Variants in SH3KBP1 observed in about 807,000 individuals in gnomAD.
SH3KBP1 encodes the protein SH3 domain-containing kinase-binding protein 1.
SH3KBP1 carries 8 observed loss-of-function variants against 50.1 expected under a neutral mutation model. The observed-to-expected ratio is 0.16, with a 90% CI of 0.09 to 0.29. SH3KBP1 has a LOEUF of 0.29. Among genes scored for constraint, SH3KBP1 ranks in the 10% least tolerant of loss-of-function variants. SH3KBP1 has a pLI of 1.00. For synonymous variants in SH3KBP1, 227 were observed against 218.6 expected, an observed-to-expected ratio of 1.04 and a Z score of -0.34; for missense variants, 377 against 535.2, an observed-to-expected ratio of 0.70 and a Z score of 2.92.
chrX:19,568,143 T>C (rs2065905458), intron 13 of SH3KBP1, among the ~76,000 whole-genome samples: 2 of 111,395 alleles, frequency 1.8e-5, no homozygotes, highest in African/African-American at 6.5e-5. Context: ...GGATGGTTAA[T>C]AGGTACAAAA....
intron 3 of SH3KBP1, among the ~76,000 whole-genome samples, chrX:19,722,617 C>T (rs963027250): frequency 1.8e-4 from 16 of 91,094 alleles, no homozygotes; most frequent in African/African-American, 5.7e-4. Context: ...TGTGTGTGTC[C>T]GTCCCCAGTG....
At chrX:19,747,893 T>C (rs1195835133) in intron 2 of SH3KBP1, among the ~76,000 whole-genome samples, 1 of 112,521 alleles carries the variant, frequency 8.9e-6, no homozygotes, top group Admixed American at 9.3e-5. Context: ...CACGGACACC[T>C]ACCTCAGCAG....
intron 12 of SH3KBP1, among the ~76,000 whole-genome samples, chrX:19,582,247 G>A (rs971013836): frequency 4.5e-5 from 5 of 111,889 alleles, no homozygotes; most frequent in African/African-American, 1.3e-4. Context: ...TGCTCTGCCC[G>A]ACAGAGGATA....
chrX:19,783,506 A>G (rs771510924), intron 2 of SH3KBP1, among the ~76,000 whole-genome samples: 3 of 110,890 alleles, frequency 2.7e-5, no homozygotes, highest in Non-Finnish European at 5.7e-5. Context: ...CCTCCCATCT[A>G]GCTGTAATTC....
chrX:19,772,555 C>G (rs755393343), intron 2 of SH3KBP1, among the ~76,000 whole-genome samples: 18 of 110,860 alleles, frequency 1.6e-4, no homozygotes, highest in Non-Finnish European at 3.2e-4. Context: ...CACCCATGCT[C>G]CCCCCATTTC....
chrX:19,594,829 C>T lies in SH3KBP1; in HGVS notation c.1057+120G>A, dbSNP rs1057047683. 2.4e-5 allele frequency: 13 copies of T among 542,071 alleles called. No individual in the cohort carries two copies. In the African/African-American group the frequency reaches 2.5e-4, roughly 11 times the overall value. The allele number at this position is 542,071 out of a possible 1,213,427, so 44.7% of individuals were successfully genotyped here. A position where few individuals can be genotyped will look rare whatever the true frequency, so the allele number is the denominator to read the frequency against. ...GCCTGCTGAGACCAAATCGTAACTTCCCAAGTAGTCAATCTATGGCACTTG... is the reference window on the plus strand; with the variant it reads ...GCCTGCTGAGACCAAATCGTAACTTTCCAAGTAGTCAATCTATGGCACTTG... On this transcript the variant is annotated intron_variant, in intron 10 of 17. Coordinates refer to ENST00000397821, the MANE Select transcript of SH3KBP1 (RefSeq NM_031892.3).
intron 6 of SH3KBP1, among the ~76,000 whole-genome samples, chrX:19,666,526 T>C (rs1473165695): frequency 9.0e-6 from 1 of 111,190 alleles, no homozygotes; most frequent in African/African-American, 3.3e-5. Flanking sequence ...GATCAGCTAG[T>C]TAATGGTGAT....
chrX:19,845,815 G>A (rs1327328046), intron 1 of SH3KBP1, among the ~76,000 whole-genome samples: 1 of 109,898 alleles, frequency 9.1e-6, no homozygotes, highest in Non-Finnish European at 1.9e-5. Context: ...TCGCCATGTT[G>A]GCCAGGCTGG....
At chrX:19,639,968 C>G (rs1439828354) in intron 7 of SH3KBP1, among the ~76,000 whole-genome samples, 1 of 100,517 alleles carries the variant, frequency 9.9e-6, no homozygotes, top group Non-Finnish European at 2.0e-5. Flanking sequence ...ATGAGCTGCA[C>G]TGAGTAAGTA....
intron 1 of SH3KBP1, among the ~76,000 whole-genome samples, chrX:19,847,763 T>C (rs1295796459): frequency 3.8e-4 from 43 of 112,279 alleles, no homozygotes; most frequent in African/African-American, 1.4e-3. Context: ...CTTTTTAATA[T>C]TGAACAATAA....
At chrX:19,792,760 G>A (rs1260236025) in intron 2 of SH3KBP1, among the ~76,000 whole-genome samples, 1 of 85,606 alleles carries the variant, frequency 1.2e-5, no homozygotes, top group African/African-American at 4.3e-5. Context: ...TTGTTGTCAC[G>A]ACTTGGAGGG....
intron 2 of SH3KBP1, among the ~76,000 whole-genome samples, chrX:19,752,288 G>A (rs1051475811): frequency 8.0e-5 from 9 of 112,205 alleles, no homozygotes; most frequent in Non-Finnish European, 1.3e-4. Context: ...CAGCCCTTCT[G>A]TCATCTGTAA....
At chrX:19,739,590 T>C (rs2064707740) in intron 3 of SH3KBP1, among the ~76,000 whole-genome samples, 1 of 109,319 alleles carries the variant, frequency 9.1e-6, no homozygotes, top group Non-Finnish European at 1.9e-5. Flanking sequence ...TTAATCCTCA[T>C]TAACAATAAT....
intron 8 of SH3KBP1, 91 bp downstream of exon 8, chrX:19,631,773 G>T (rs750204473): frequency 2.4e-5 from 12 of 492,092 alleles, no homozygotes; most frequent in Non-Finnish European, 3.7e-5. Flanking sequence ...AGAAAACCAA[G>T]CTTTCAAGCG....
At chrX:19,616,618 CATGCTGTTGT>C (rs1212600953) in intron 8 of SH3KBP1, among the ~76,000 whole-genome samples, 1 of 111,488 alleles carries the variant, frequency 9.0e-6, no homozygotes, top group African/African-American at 3.3e-5. Flanking sequence ...AGCAACTGTG[CATGCTGTTGT>C]TCAAAGACTG....
intron 2 of SH3KBP1, among the ~76,000 whole-genome samples, chrX:19,823,063 C>A (rs1449923333): frequency 9.0e-6 from 1 of 111,453 alleles, no homozygotes; most frequent in Admixed American, 9.6e-5. Flanking sequence ...TAATTAATTC[C>A]TTTCTTCAGC....
intron 2 of SH3KBP1, among the ~76,000 whole-genome samples, chrX:19,815,612 C>G (rs983522831): frequency 9.0e-5 from 10 of 111,365 alleles, no homozygotes; most frequent in South Asian, 3.8e-4. Flanking sequence ...ATTCCATCTT[C>G]AAAAGGAACT....
At chrX:19,610,043 G>A (rs2067364964) in intron 8 of SH3KBP1, among the ~76,000 whole-genome samples, 1 of 111,605 alleles carries the variant, frequency 9.0e-6, no homozygotes, top group Non-Finnish European at 1.9e-5. Flanking sequence ...TTAGGGAAGA[G>A]AGTGCAGATT....
At chrX:19,537,230 G>T (rs1050411918) in intron 17 of SH3KBP1, among the ~76,000 whole-genome samples, 2 of 111,271 alleles carry the variant, frequency 1.8e-5, no homozygotes, top group African/African-American at 6.5e-5. Flanking sequence ...GCTGAGGCAG[G>T]AGGATCACCT....
Sources: gnomAD v4.1 joint callset for allele counts (sites outside exome capture counted in the v4.1 genomes callset) on GRCh38, gnomAD v4.1.1 for gene constraint, MANE v1.5 for transcripts, NCBI Gene and HGNC (gene_info 2026-07-23, HGNC 2026-07-21) for gene names.